The following GPR158 variants were observed in gnomAD, a reference collection of about 807,000 sequenced individuals.
GPR158 encodes the protein G protein-coupled receptor 158.
In GPR158, 30 loss-of-function variants were observed where a neutral mutation model predicts 78.2. The observed-to-expected ratio is 0.38, with a 90% CI of 0.29 to 0.52. The LOEUF is 0.52. Among genes scored for constraint, GPR158 ranks in the 20% least tolerant of loss-of-function variants. The pLI, the probability that GPR158 is intolerant of heterozygous loss-of-function variation, is 0.83. For missense variants in GPR158, 1,463 were observed against 1,523.5 expected, an observed-to-expected ratio of 0.96 and a Z score of 0.66; for synonymous variants, 581 against 591.1, an observed-to-expected ratio of 0.98 and a Z score of 0.25.
chr10:25,454,424 G>A (rs553519828), intron 4 of GPR158, among the ~76,000 whole-genome samples: 54 of 152,268 alleles, frequency 3.5e-4, no homozygotes, highest in African/African-American at 1.2e-3. Context: ...AGATTAAGGC[G>A]TGGAAGAAAT....
At chr10:25,386,765 AT>A (rs996351741) in intron 2 of GPR158, among the ~76,000 whole-genome samples, 1 of 152,000 alleles carries the variant, frequency 6.6e-6, no homozygotes, top group African/African-American at 2.4e-5. Context: ...CTTTTGGATT[AT>A]TCATTGTTTT....
intron 2 of GPR158, among the ~76,000 whole-genome samples, chr10:25,246,269 T>C (rs776321331): frequency 4.6e-5 from 7 of 152,136 alleles, no homozygotes; most frequent in Non-Finnish European, 8.8e-5. Flanking sequence ...GAAATATAAA[T>C]ATTATCCTGG....
chr10:25,412,894 T>C (rs1199540616), intron 4 of GPR158, among the ~76,000 whole-genome samples: 1 of 152,230 alleles, frequency 6.6e-6, no homozygotes, highest in Admixed American at 6.5e-5. Context: ...TTTAGCGCAT[T>C]ATACTTTGAA....
chr10:25,185,033 C>T (rs1852662300), intron 1 of GPR158, among the ~76,000 whole-genome samples: 1 of 152,196 alleles, frequency 6.6e-6, no homozygotes, highest in Admixed American at 6.5e-5. Flanking sequence ...TGGCTTCTAT[C>T]CATTAGATGC....
chr10:25,489,437 G>A (rs1835775602), intron 5 of GPR158, among the ~76,000 whole-genome samples: 1 of 152,128 alleles, frequency 6.6e-6, no homozygotes, highest in South Asian at 2.1e-4. Flanking sequence ...ATGTGAATTT[G>A]AAAAGTGTTA....
At chr10:25,189,476 G>A (rs1002907650) in intron 1 of GPR158, among the ~76,000 whole-genome samples, 12 of 152,174 alleles carry the variant, frequency 7.9e-5, no homozygotes, top group African/African-American at 2.9e-4. Context: ...ATGAGTTCAT[G>A]TCCTTTGTAG....
chr10:25,218,934 G>T (rs1853259045), intron 1 of GPR158, among the ~76,000 whole-genome samples: 1 of 151,298 alleles, frequency 6.6e-6, no homozygotes, highest in South Asian at 2.1e-4. Flanking sequence ...TAAACTCTAT[G>T]AAGGCAGGAT....
intron 2 of GPR158, among the ~76,000 whole-genome samples, chr10:25,285,300 T>C (rs541744143): frequency 6.6e-6 from 1 of 152,268 alleles, no homozygotes; most frequent in East Asian, 1.9e-4. Context: ...GATATGTATG[T>C]ATGTATGTAT....
chr10:25,487,667 G>A (rs750583069), intron 5 of GPR158, among the ~76,000 whole-genome samples: 2 of 152,166 alleles, frequency 1.3e-5, no homozygotes, highest in African/African-American at 4.8e-5. Context: ...TATCCTGGGA[G>A]AGTAAATGAC....
chr10:25,521,220 GGCTCGC>G (rs1314168027), intron 5 of GPR158, among the ~76,000 whole-genome samples: 12 of 152,288 alleles, frequency 7.9e-5, no homozygotes, highest in African/African-American at 2.9e-4. Flanking sequence ...GCCCTGCTTC[GGCTCGC>G]GCACGGTGCA....
intron 1 of GPR158, among the ~76,000 whole-genome samples, chr10:25,206,152 A>AT (rs528721300): frequency 7.8e-4 from 118 of 151,792 alleles, no homozygotes; most frequent in African/African-American, 2.8e-3. Context: ...CACCTGGCTA[A>AT]TTTTTTGTAT....
chr10:25,516,642 G>T (rs1385450733), intron 5 of GPR158, among the ~76,000 whole-genome samples: 5 of 119,288 alleles, frequency 4.2e-5, no homozygotes, highest in Non-Finnish European at 6.8e-5. Flanking sequence ...TTTCCCCATT[G>T]CTTGTTTTTC....
chr10:25,275,974 G>C (rs1854178186), intron 2 of GPR158, among the ~76,000 whole-genome samples: 1 of 152,122 alleles, frequency 6.6e-6, no homozygotes, highest in African/African-American at 2.4e-5. Flanking sequence ...TTTGTAGCTT[G>C]TACATCATCT....
chr10:25,530,004 T>G (rs7478285), intron 5 of GPR158, among the ~76,000 whole-genome samples: 96,345 of 152,016 alleles, frequency 0.63, 32,621 homozygotes, highest in African/African-American at 0.89. Context: ...CTGCTTTAGT[T>G]TGTCACCACT....
chr10:25,389,520 T>C (rs114095233), intron 2 of GPR158, among the ~76,000 whole-genome samples: 2,552 of 152,304 alleles, frequency 0.017, 64 homozygotes, highest in African/African-American at 0.05. Flanking sequence ...TGAGCTGTTC[T>C]ATTGCTCAAT....
intron 8 of GPR158, among the ~76,000 whole-genome samples, chr10:25,590,374 GA>G (rs1837325690): frequency 6.6e-6 from 1 of 152,002 alleles, no homozygotes; most frequent in African/African-American, 2.4e-5. Flanking sequence ...AGGAAGGAAA[GA>G]TAAGAATGGA....
rs118090282 is a variant in GPR158 at position 25,526,181 on chromosome 10, T to C, written c.1405-24795T>C. On this transcript the variant is annotated intron_variant, in intron 5 of 10. Transcript: ENST00000376351. ...ACTGAGCAGTTATGTTGAATTGACC[T>C]TCCAGCAGATACAACTCTGGAAAAT... Among the ~76,000 whole-genome samples the C allele has an allele frequency of 9.5e-3, 1,424 of 150,458 alleles. 117 individuals carry two copies. In the East Asian group the frequency reaches 0.14, roughly 15 times the overall value.
Position 25,567,127 on chromosome 10 carries a change from A to G in GPR158, c.1515-5522A>G, listed in dbSNP as rs561995180. 3.2e-4 allele frequency among the ~76,000 whole-genome samples: 49 copies of G among 152,214 alleles called. 2 individuals are homozygous for G. The highest frequency in any genetic ancestry group is 1.2e-3 in the African/African-American group (48 of 41,466). ...AGAAGACTGGATGGCTTGAGGATAT[A>G]TATTTTCATTCCTTTTTTTATAAAT... On this transcript the variant is annotated intron_variant, in intron 6 of 10. Coordinates refer to ENST00000376351, the MANE Select transcript of GPR158 (RefSeq NM_020752.3).
chr10:25,223,394 C>T (rs1376333127), intron 2 of GPR158, among the ~76,000 whole-genome samples: 1 of 152,116 alleles, frequency 6.6e-6, no homozygotes, highest in Non-Finnish European at 1.5e-5. Flanking sequence ...GGGTAGTCTT[C>T]CCTGCACAGG....
Sources: allele counts gnomAD v4.1 joint callset (sites outside exome capture counted in the v4.1 genomes callset), GRCh38; gene constraint gnomAD v4.1.1; transcripts MANE v1.5; gene names NCBI Gene and HGNC (gene_info 2026-07-23, HGNC 2026-07-21).